The following ELP2 variants were observed in gnomAD, a reference collection of about 807,000 sequenced individuals.
ELP2 encodes the protein elongator acetyltransferase complex subunit 2, also known as elongator complex protein 2.
Under a neutral mutation model 119.2 loss-of-function variants are expected in ELP2, and 90 were observed. The observed-to-expected ratio is 0.75, with a 90% confidence interval of 0.64 to 0.90. ELP2 has a LOEUF of 0.90. ELP2 is among the 40% of genes least tolerant of loss of function. ELP2 has a pLI of 0.00. For synonymous variants in ELP2, 339 were observed against 331.0 expected (o/e 1.02, Z -0.26); for missense variants, 921 against 967.8 (o/e 0.95, Z 0.64).
chr18:36,144,989 G>A lies in ELP2; in HGVS notation c.847G>A (p.Glu283Lys). Residue 283 changes from glutamate to lysine, a missense_variant, in exon 9 of 22, where the codon GAA (glutamate) becomes AAA (lysine). Coordinates refer to ENST00000358232, the MANE Select transcript of ELP2 (RefSeq NM_018255.4). Reference sequence around the variant, plus strand: ...TCTGGAGACAGTGCTAGCCGGTCATGAAAACTGGGTAAATGCAGTTCACTG... The same window carrying A: ...TCTGGAGACAGTGCTAGCCGGTCATAAAAACTGGGTAAATGCAGTTCACTG... ...VTLETVLAGH[E>K]NWVNAVHWQP... is the part of the protein sequence containing the mutation. 6.2e-7 allele frequency: 1 copy of A among 1,614,036 alleles called. No individual in the cohort carries two copies. The highest frequency in any genetic ancestry group is 8.5e-7 in the Non-Finnish European group (1 of 1,179,916).
rs2090044760 is a variant in ELP2, at chr18:36,141,929, G to A, written c.589-352G>A. 3.3e-5 allele frequency among the ~76,000 whole-genome samples: 5 copies of A among 152,062 alleles called. No individual in the cohort carries two copies. In the South Asian group the frequency reaches 1.0e-3, roughly 32 times the overall value. ...TGGTCTCAGTTTCCTGGCCTCAAGT[G>A]ATAGTCCCACCTCCTCAGCCTCGCA... On this transcript the variant is annotated intron_variant, in intron 6 of 21. Transcript: ENST00000358232.
At chr18:36,140,516 T>G (rs2089983524) in intron 5 of ELP2, among the ~76,000 whole-genome samples, 1 of 151,956 alleles carries the variant, frequency 6.6e-6, no homozygotes, top group Non-Finnish European at 1.5e-5. Flanking sequence ...CCAGATAATT[T>G]TTGTATTTTT....
intron 8 of ELP2, among the ~76,000 whole-genome samples, chr18:36,144,041 T>C (rs79338605): frequency 0.015 from 2,283 of 152,286 alleles, 63 homozygotes; most frequent in African/African-American, 0.053. Context: ...GAAAGAGATA[T>C]TTTTGGATGT....
intron 11 of ELP2, among the ~76,000 whole-genome samples, chr18:36,148,470 G>A (rs1309928445): frequency 6.6e-6 from 1 of 152,090 alleles, no homozygotes; most frequent in Non-Finnish European, 1.5e-5. Context: ...CTGTAACAAG[G>A]GCTATGGGAG....
intron 6 of ELP2, 117 bp downstream of exon 6, chr18:36,141,318 A>T: frequency 1.2e-6 from 1 of 865,346 alleles, no homozygotes; most frequent in Non-Finnish European, 1.9e-6. Flanking sequence ...AAAATAATCC[A>T]ATAGAATCTT....
intron 18 of ELP2, among the ~76,000 whole-genome samples, chr18:36,166,319 GTTTTTTTTTTTTTTT>G (rs60477950): frequency 4.2e-5 from 3 of 71,692 alleles, no homozygotes; most frequent in Admixed American, 4.1e-4. Context: ...GTTTTTTAGG[GTTTTTTTTTTTTTTT>G]TTTTTTTTTT....
In ELP2 at chr18:36,179,482, A is replaced by T; in HGVS notation, c.*4841A>T. Reference sequence around the variant, plus strand: ...CAGAGTGAGACTCCATCTCAAAAAAAAAAAAAAAAAAAAAAAAAATCTGGG... The same window carrying T: ...CAGAGTGAGACTCCATCTCAAAAAATAAAAAAAAAAAAAAAAAAATCTGGG... On this transcript the variant is annotated 3_prime_UTR_variant, in exon 22 of 22. Transcript: ENST00000358232. The T allele has an allele frequency of 6.6e-6, 1 of 151,386 alleles. No individual in the cohort carries two copies. The highest frequency in any genetic ancestry group is 1.9e-4 in the East Asian group (1 of 5,248). The allele number at this position is 151,386 out of a possible 1,614,324, so 9.4% of individuals were successfully genotyped here.
At chr18:36,167,950 TA>T (rs2090957319) in intron 19 of ELP2, among the ~76,000 whole-genome samples, 1 of 152,224 alleles carries the variant, frequency 6.6e-6, no homozygotes, top group Non-Finnish European at 1.5e-5. Context: ...GTGTTGGAAT[TA>T]CAGGCATGAG....
Position 36,136,352 on chromosome 18 carries a change from T to C in ELP2, c.263T>C (p.Ile88Thr), listed in dbSNP as rs1476056150. 1.2e-6 allele frequency: 2 copies of C among 1,612,264 alleles called. No homozygotes were observed. Among genetic ancestry groups the C allele is most frequent in the South Asian group, 1.1e-5 (1 of 91,062 alleles). ...LVSGGSDNQVIHWEIEDNQLL... is the reference protein window; with the variant it reads ...LVSGGSDNQVTHWEIEDNQLL... ...TCTGGAGGATCTGATAATCAAGTGA[T>C]TCACTGGGAAATAGAGGATAATCAG... The change falls in exon 3 of 22, where the codon ATT (isoleucine) becomes ACT (threonine). Residue 88 changes from isoleucine (I) to threonine (T), a missense_variant. By Grantham distance (89) the Ile-to-Thr change is moderately conservative. Transcript: ENST00000358232.
At chr18:36,147,820 T>C (rs1207205573) in intron 11 of ELP2, among the ~76,000 whole-genome samples, 6 of 151,846 alleles carry the variant, frequency 4.0e-5, no homozygotes, top group Non-Finnish European at 7.3e-5. Flanking sequence ...GTGTATTTTA[T>C]TTTATTATTA....
rs1231119098 is a variant in ELP2, at chr18:36,158,943, G to T, written c.1534+39G>T. On this transcript the variant is annotated intron_variant, in intron 14 of 21. Transcript: ENST00000358232. ...CTTCAAAATTATTAAACCCATAGTG[G>T]TACTTAAACCCCAGTCATACACTTG... 3 of 1,385,198 alleles carry T rather than the reference G, an allele frequency of 2.2e-6. No homozygotes were observed. The African/African-American group carries it at 4.3e-5, about 20-fold the overall frequency. 85.8% of individuals were successfully genotyped at this position (1,385,198 alleles called of 1,614,324 possible).
chr18:36,144,079 ATTG>A (rs1269214620), intron 8 of ELP2, among the ~76,000 whole-genome samples: 1 of 152,052 alleles, frequency 6.6e-6, no homozygotes, highest in Admixed American at 6.5e-5. Context: ...TTCAGTGAAC[ATTG>A]TTCACCTAGG....
intron 11 of ELP2, among the ~76,000 whole-genome samples, chr18:36,148,630 G>A (rs1021371930): frequency 5.9e-5 from 9 of 152,162 alleles, no homozygotes; most frequent in African/African-American, 9.7e-5. Context: ...AGGCCAAGGC[G>A]GGAGGATTAT....
At chr18:36,166,791 A>T (rs891849871) in intron 18 of ELP2, 2 of 197,566 alleles carry the variant, frequency 1.0e-5, no homozygotes, top group Admixed American at 5.9e-5. Context: ...GCCTACTTTG[A>T]GTAAGGCTAA....
At position 36,155,072 on chromosome 18, in the gene ELP2, G is replaced by T. The variant is rs997265111; in HGVS notation, c.1275+73G>T. 2.1e-5 allele frequency: 28 copies of T among 1,320,650 alleles called. No individual in the cohort carries two copies. The Admixed American group carries it at 4.9e-4, about 23-fold the overall frequency. 81.8% of individuals were successfully genotyped at this position (1,320,650 alleles called of 1,614,324 possible). On this transcript the variant is annotated intron_variant, in intron 12 of 21. Transcript: ENST00000358232. ...ACATCACCCAGGCTGAAGTGCAATGGCACGATCTCAGCTCACTGCAGCCTC... is the reference window on the plus strand; with the variant it reads ...ACATCACCCAGGCTGAAGTGCAATGTCACGATCTCAGCTCACTGCAGCCTC...
At chr18:36,138,672 C>A in intron 4 of ELP2, 123 bp from the exon 5 acceptor site, 1 of 934,374 alleles carries the variant, frequency 1.1e-6, no homozygotes. Context: ...TCAGTGGGGG[C>A]TCAGGATTGA....
chr18:36,136,907 C>T (rs2089845837), intron 3 of ELP2, among the ~76,000 whole-genome samples: 1 of 152,076 alleles, frequency 6.6e-6, no homozygotes, highest in African/African-American at 2.4e-5. Flanking sequence ...CCCCACACTT[C>T]TGTCATGTTA....
At chr18:36,141,290 A>T in intron 6 of ELP2, 89 bp downstream of exon 6, 1 of 1,158,068 alleles carries the variant, frequency 8.6e-7, no homozygotes, top group Non-Finnish European at 1.3e-6. Flanking sequence ...AATTTTAGGG[A>T]ATGTTCTAAT....
chr18:36,133,491 G>A (rs189659684), intron 2 of ELP2, among the ~76,000 whole-genome samples, 175 bp downstream of exon 2: 6 of 152,212 alleles, frequency 3.9e-5, no homozygotes, highest in East Asian at 1.9e-4. Context: ...TTTTTACTTC[G>A]TAGCAGTTGA....
Sources: allele counts gnomAD v4.1 joint callset (sites outside exome capture counted in the v4.1 genomes callset), GRCh38; gene constraint gnomAD v4.1.1; transcripts MANE v1.5; gene names NCBI Gene and HGNC (gene_info 2026-07-23, HGNC 2026-07-21).